The following DPP10 variants were observed in gnomAD, a reference collection of about 807,000 sequenced individuals.
The protein encoded by DPP10 is inactive dipeptidyl peptidase 10.
DPP10 carries 33 observed loss-of-function variants against 120.9 expected under a neutral mutation model. The ratio of observed to expected loss-of-function variants is 0.27; its 90% CI spans 0.21 to 0.37. The LOEUF is 0.37. Among genes scored for constraint, DPP10 ranks in the 10% least tolerant of loss-of-function variants. DPP10 has a pLI of 1.00. For synonymous variants in DPP10, 337 were observed against 326.1 expected, an observed-to-expected ratio of 1.03 and a Z score of -0.36; for missense variants, 816 against 942.8, an observed-to-expected ratio of 0.87 and a Z score of 1.76.
chr2:114,840,535 G>T (rs1688076262), intron 1 of DPP10, among the ~76,000 whole-genome samples: 1 of 152,090 alleles, frequency 6.6e-6, no homozygotes. Context: ...CAAAACTTAA[G>T]AAAGTGTATT....
In DPP10 at chr2:115,568,738, G is replaced by T. The variant is rs34186347; in HGVS notation, c.441+42766G>T. On this transcript the variant is annotated intron_variant, in intron 5 of 25. Transcript: ENST00000410059. ...TGGGTATGTTCTCCACTTATGCTTC[G>T]CCCAGGCTAAGCTGTCAGTCAGTGC... Among the ~76,000 whole-genome samples the T allele has an allele frequency of 2.2e-3, 327 of 151,578 alleles. 2 individuals carry two copies. The highest frequency in any genetic ancestry group is 3.7e-3 in the Non-Finnish European group (252 of 67,910).
At chr2:115,472,885 A>C (rs183510800) in intron 3 of DPP10, among the ~76,000 whole-genome samples, 1 of 152,334 alleles carries the variant, frequency 6.6e-6, no homozygotes, top group African/African-American at 2.4e-5. Context: ...ACGCTTGACA[A>C]AATTTCTAGA....
chr2:115,450,449 G>T (rs1421699687), intron 3 of DPP10, among the ~76,000 whole-genome samples: 1 of 151,878 alleles, frequency 6.6e-6, no homozygotes, highest in Non-Finnish European at 1.5e-5. Context: ...ACTGAATAAA[G>T]CCCTCAACTG....
intron 1 of DPP10, among the ~76,000 whole-genome samples, chr2:114,475,736 A>G (rs1048336587): frequency 6.6e-6 from 1 of 152,240 alleles, no homozygotes; most frequent in African/African-American, 2.4e-5. Context: ...AATGCAAGGT[A>G]TCACCTAGAA....
intron 5 of DPP10, among the ~76,000 whole-genome samples, chr2:115,674,858 A>G (rs2090148731): frequency 6.6e-6 from 1 of 152,190 alleles, no homozygotes; most frequent in Admixed American, 6.5e-5. Flanking sequence ...TAATGTCAGC[A>G]TTAGAGTAAT....
chr2:114,566,491 A>G (rs72840642), intron 1 of DPP10, among the ~76,000 whole-genome samples: 20,682 of 152,234 alleles, frequency 0.14, 1,754 homozygotes, highest in East Asian at 0.32. Flanking sequence ...ATTTGTCAAA[A>G]CGGAGAAACC....
intron 1 of DPP10, among the ~76,000 whole-genome samples, chr2:114,853,159 C>T (rs767418090): frequency 3.9e-5 from 6 of 152,118 alleles, no homozygotes; most frequent in Non-Finnish European, 8.8e-5. Flanking sequence ...GTGGTTATCT[C>T]TGGGGGACAA....
At chr2:115,840,710 C>G (rs1442666320) in intron 24 of DPP10, 40 bp from the exon 25 acceptor site, 1 of 1,562,026 alleles carries the variant, frequency 6.4e-7, no homozygotes, top group Admixed American at 1.7e-5. Context: ...CTCATACAAG[C>G]AGTGTGTTTC....
intron 1 of DPP10, among the ~76,000 whole-genome samples, chr2:114,515,492 A>C (rs1312332470): frequency 1.3e-5 from 2 of 151,394 alleles, no homozygotes; most frequent in African/African-American, 4.9e-5. Flanking sequence ...TGATTTTCCT[A>C]AAAATAAAAT....
intron 3 of DPP10, among the ~76,000 whole-genome samples, chr2:115,405,571 ACT>A (rs1373510757): frequency 6.6e-6 from 1 of 151,324 alleles, no homozygotes; most frequent in African/African-American, 2.4e-5. Flanking sequence ...CTCTGTGCTG[ACT>A]CTGCCACTGT....
intron 3 of DPP10, among the ~76,000 whole-genome samples, chr2:115,403,825 T>G (rs2068297274): frequency 6.6e-6 from 1 of 152,196 alleles, no homozygotes; most frequent in Non-Finnish European, 1.5e-5. Context: ...GTTGATAAGA[T>G]GATCTTATGT....
chr2:114,891,600 A>C (rs952687498), intron 1 of DPP10, among the ~76,000 whole-genome samples: 1 of 152,238 alleles, frequency 6.6e-6, no homozygotes, highest in Non-Finnish European at 1.5e-5. Flanking sequence ...AACATTCCTC[A>C]TAATTGTGCC....
chr2:115,002,668 GA>G (rs917431165), intron 1 of DPP10, among the ~76,000 whole-genome samples: 2 of 151,766 alleles, frequency 1.3e-5, no homozygotes, highest in African/African-American at 4.8e-5. Context: ...AAATGTACAA[GA>G]AAAAAATAAC....
intron 1 of DPP10, among the ~76,000 whole-genome samples, chr2:115,009,797 C>T (rs143542513): frequency 0.018 from 2,708 of 151,922 alleles, 75 homozygotes; most frequent in African/African-American, 0.063. Context: ...GATGGATATC[C>T]CAAGTTACAC....
chr2:115,364,382 A>G (rs1238107491), intron 3 of DPP10, among the ~76,000 whole-genome samples: 1 of 152,018 alleles, frequency 6.6e-6, no homozygotes, highest in Non-Finnish European at 1.5e-5. Context: ...ACCTCACCAC[A>G]CTATCACTTT....
chr2:115,627,096 A>T (rs1320747114), intron 5 of DPP10, among the ~76,000 whole-genome samples: 1 of 152,214 alleles, frequency 6.6e-6, no homozygotes, highest in Non-Finnish European at 1.5e-5. Context: ...AGAAAAATAT[A>T]GAATAACATG....
chr2:115,699,388 G>A (rs1156637190), intron 7 of DPP10, among the ~76,000 whole-genome samples: 1 of 152,158 alleles, frequency 6.6e-6, no homozygotes, highest in East Asian at 1.9e-4. Flanking sequence ...GATCACCTGA[G>A]GTCAGGAGTT....
intron 1 of DPP10, among the ~76,000 whole-genome samples, chr2:114,903,813 C>A (rs1693774793): frequency 6.6e-6 from 1 of 152,034 alleles, no homozygotes; most frequent in Non-Finnish European, 1.5e-5. Context: ...TCTCTCCATG[C>A]ACATACATCA....
rs1041929411 is a variant in DPP10, at chr2:115,459,061, G to A, written c.272-40449G>A. On this transcript the variant is annotated intron_variant, in intron 3 of 25. Transcript: ENST00000410059. ...ACAATTGCCACTGCAAACAGCATTG[G>A]TTAGCAACTGTATTAAACTTAGACG... 5.3e-5 allele frequency among the ~76,000 whole-genome samples: 8 copies of A among 152,034 alleles called. No homozygotes were observed. In the East Asian group the frequency reaches 9.6e-4, roughly 18 times the overall value.
Sources: allele counts gnomAD v4.1 joint callset (sites outside exome capture counted in the v4.1 genomes callset), GRCh38; gene constraint gnomAD v4.1.1; transcripts MANE v1.5; gene names NCBI Gene and HGNC (gene_info 2026-07-23, HGNC 2026-07-21).